CBFA2T3: variants seen among roughly 807,000 people sequenced by gnomAD.
CBFA2T3 encodes transcriptional corepressor CBFA2T3.
In CBFA2T3, 31 loss-of-function variants were observed where a neutral mutation model predicts 58.6. The ratio of observed to expected loss-of-function variants is 0.53; its 90% CI spans 0.40 to 0.71. CBFA2T3 has a LOEUF of 0.71. CBFA2T3 is among the 30% of genes least tolerant of loss of function. The pLI is 0.00. For synonymous variants in CBFA2T3, 531 were observed against 421.9 expected, an observed-to-expected ratio of 1.26 and a Z score of -3.17; for missense variants, 1,076 against 963.1, an observed-to-expected ratio of 1.12 and a Z score of -1.55.
In CBFA2T3 at chr16:88,977,140, G is replaced by A. The variant is rs939198743; in HGVS notation, c.-333C>T. On this transcript the variant is annotated 5_prime_UTR_variant, in exon 1 of 12. Transcript: ENST00000268679. ...GGGCCGGAGGCCTGCAGCTGCGCCC[G>A]CCACTTCCCTGACAGGAACCATCTG... 7 of 315,476 alleles carry A rather than the reference G, an allele frequency of 2.2e-5. No homozygotes were observed. The highest frequency in any genetic ancestry group is 1.3e-4 in the Admixed American group (3 of 22,948). The allele number at this position is 315,476 out of a possible 1,614,324, so 19.5% of individuals were successfully genotyped here.
At chr16:88,907,076 C>T (rs1393490939) in intron 1 of CBFA2T3, among the ~76,000 whole-genome samples, 1 of 152,130 alleles carries the variant, frequency 6.6e-6, no homozygotes, top group Non-Finnish European at 1.5e-5. Flanking sequence ...CTTTCCAGAG[C>T]TCGAAGTGCC....
intron 1 of CBFA2T3, among the ~76,000 whole-genome samples, chr16:88,916,535 G>C (rs766711438): frequency 6.6e-6 from 1 of 151,944 alleles, no homozygotes. Flanking sequence ...GGTAAGGGCT[G>C]TGTGACCTCA....
intron 1 of CBFA2T3, among the ~76,000 whole-genome samples, chr16:88,930,277 A>G (rs1267145068): frequency 1.3e-5 from 2 of 150,252 alleles, no homozygotes; most frequent in African/African-American, 5.0e-5. Context: ...TGCGTGGTCC[A>G]CGCAAAAGCT....
At chr16:88,969,090 G>T (rs913526886) in intron 1 of CBFA2T3, among the ~76,000 whole-genome samples, 1 of 152,178 alleles carries the variant, frequency 6.6e-6, no homozygotes, top group African/African-American at 2.4e-5. Flanking sequence ...TGAGCAGTCG[G>T]CTGGGTCAGG....
rs534371450 is a variant in CBFA2T3, at chr16:88,965,469, A to G, written c.151+11188T>C. Among the ~76,000 whole-genome samples the G allele has an allele frequency of 2.1e-4, 32 of 152,334 alleles. 1 individual carries two copies. The highest frequency in any genetic ancestry group is 1.6e-3 in the Admixed American group (24 of 15,308). ...GGGTCCTGTGTCCAGCCTTTGGTTT[A>G]GAAGGATACTTGGTGCGCAGCGCCA... is the stretch of plus-strand genomic sequence containing the variant. On this transcript the variant is annotated intron_variant, in intron 1 of 11. Transcript: ENST00000268679.
chr16:88,896,078 T>G (rs763207663), intron 3 of CBFA2T3, among the ~76,000 whole-genome samples: 1 of 152,050 alleles, frequency 6.6e-6, no homozygotes, highest in Non-Finnish European at 1.5e-5. Flanking sequence ...GGTTGCTCCA[T>G]CCTGACTGGT....
At chr16:88,940,893 G>C (rs1276226937) in intron 1 of CBFA2T3, 3 of 339,972 alleles carry the variant, frequency 8.8e-6, no homozygotes, top group Non-Finnish European at 1.3e-5. Context: ...GCTCCACCCT[G>C]CCGTGGGCAC....
At chr16:88,902,186 C>T (rs1166111954) in intron 1 of CBFA2T3, among the ~76,000 whole-genome samples, 1 of 152,202 alleles carries the variant, frequency 6.6e-6, no homozygotes, top group Non-Finnish European at 1.5e-5. Flanking sequence ...TGCTAGAAGG[C>T]TCCCCTGGGC....
chr16:88,892,971 G>A (rs577792861), intron 3 of CBFA2T3, among the ~76,000 whole-genome samples: 1 of 152,316 alleles, frequency 6.6e-6, no homozygotes, highest in South Asian at 2.1e-4. Flanking sequence ...AACCCTACCA[G>A]GCTGGCTCAG....
rs370489469 is a variant in CBFA2T3, at chr16:88,963,188, C to G, written c.151+13469G>C. Among the ~76,000 whole-genome samples, 55 of 149,196 alleles carry G rather than the reference C, an allele frequency of 3.7e-4. No homozygotes were observed. In the South Asian group the frequency reaches 0.011, roughly 30 times the overall value. On this transcript the variant is annotated intron_variant, in intron 1 of 11. Coordinates refer to ENST00000268679, the MANE Select transcript of CBFA2T3 (RefSeq NM_005187.6). ...GAGGGAGAGAAGGTGGGGGCTTGGACAGAGGCTGTAAGGAGTTTCTACCAA... is the reference window on the plus strand; with the variant it reads ...GAGGGAGAGAAGGTGGGGGCTTGGAGAGAGGCTGTAAGGAGTTTCTACCAA...
intron 1 of CBFA2T3, among the ~76,000 whole-genome samples, chr16:88,960,480 G>A (rs961483130): frequency 1.1e-4 from 17 of 152,244 alleles, no homozygotes; most frequent in African/African-American, 3.1e-4. Flanking sequence ...CTACCGGAAC[G>A]AATCCATTTG....
chr16:88,882,770 G>A lies in CBFA2T3; in HGVS notation c.1118-9C>T. The A allele has an allele frequency of 6.4e-7, 1 of 1,555,478 alleles. No individual in the cohort carries two copies. The highest frequency in any genetic ancestry group is 8.7e-7 in the Non-Finnish European group (1 of 1,145,492). ...CCGGGACCCAGGCACCACTGTGGATGGGGGAGGTGCACGCTTAGGTCCCAC... is the reference window on the plus strand; with the variant it reads ...CCGGGACCCAGGCACCACTGTGGATAGGGGAGGTGCACGCTTAGGTCCCAC... On this transcript the variant is annotated splice_polypyrimidine_tract_variant and intron_variant, in intron 7 of 11. Transcript: ENST00000268679.
At chr16:88,975,245 C>CTGATCCTCT (rs1567644159) in intron 1 of CBFA2T3, among the ~76,000 whole-genome samples, 4 of 137,402 alleles carry the variant, frequency 2.9e-5, no homozygotes, top group South Asian at 2.2e-4. Context: ...GTCAGAGGCC[C>CTGATCCTCT]GCCCTGACCC....
At chr16:88,934,154 G>A (rs1971413562) in intron 1 of CBFA2T3, among the ~76,000 whole-genome samples, 2 of 134,932 alleles carry the variant, frequency 1.5e-5, no homozygotes, top group African/African-American at 6.9e-5. Flanking sequence ...GCCGCCCCTC[G>A]GCACACGGAG....
chr16:88,932,593 G>C (rs1971348498), intron 1 of CBFA2T3, among the ~76,000 whole-genome samples: 1 of 151,964 alleles, frequency 6.6e-6, no homozygotes, highest in African/African-American at 2.4e-5. Flanking sequence ...GCAGCAGTGA[G>C]CCATGATCGC....
chr16:88,943,463 C>G (rs1971813870), intron 1 of CBFA2T3, among the ~76,000 whole-genome samples: 1 of 152,228 alleles, frequency 6.6e-6, no homozygotes, highest in Non-Finnish European at 1.5e-5. Flanking sequence ...CACCACAACC[C>G]AGGCGCTGCA....
intron 1 of CBFA2T3, among the ~76,000 whole-genome samples, chr16:88,932,673 C>A (rs112803087): frequency 1.4e-5 from 2 of 147,512 alleles, no homozygotes; most frequent in Admixed American, 1.4e-4. Context: ...AGAGGCAGGG[C>A]GCGGTGGTTC....
At chr16:88,888,279 G>A (rs1035189917) in intron 5 of CBFA2T3, among the ~76,000 whole-genome samples, 2 of 149,960 alleles carry the variant, frequency 1.3e-5, no homozygotes, top group African/African-American at 2.5e-5. Context: ...ACCCCAGACT[G>A]GGCCTGGCGG....
At chr16:88,971,230 C>T (rs1042576157) in intron 1 of CBFA2T3, among the ~76,000 whole-genome samples, 1 of 152,314 alleles carries the variant, frequency 6.6e-6, no homozygotes, top group East Asian at 1.9e-4. Flanking sequence ...CCGCCTCAGC[C>T]TCCCGAGTAG....
Sources: allele counts gnomAD v4.1 joint callset (sites outside exome capture counted in the v4.1 genomes callset), GRCh38; gene constraint gnomAD v4.1.1; transcripts MANE v1.5; gene names NCBI Gene and HGNC (gene_info 2026-07-23, HGNC 2026-07-21).